The following AMMECR1 variants were observed in gnomAD, a reference collection of about 807,000 sequenced individuals.
The protein encoded by AMMECR1 is AMMECR nuclear protein 1, also known as nuclear protein AMMECR1.
A neutral mutation model predicts 22.5 loss-of-function variants in AMMECR1; 3 were observed. The ratio of observed to expected loss-of-function variants is 0.13; its 90% CI spans 0.06 to 0.35. AMMECR1 has a LOEUF of 0.35. Ranked by LOEUF, AMMECR1 falls within the 10% of genes least tolerant of loss-of-function variation. The pLI is 1.00. For synonymous variants in AMMECR1, 130 were observed against 116.7 expected (o/e 1.11, Z -0.74); for missense variants, 235 against 278.7 (o/e 0.84, Z 1.12).
chrX:110,377,614 C>A (rs2068386160), intron 2 of AMMECR1, among the ~76,000 whole-genome samples: 1 of 111,962 alleles, frequency 8.9e-6, no homozygotes, highest in South Asian at 3.7e-4. Flanking sequence ...ATTTCTTTTG[C>A]TTTTGTTTGA....
chrX:110,327,603 T>C (rs1426209864), intron 2 of AMMECR1, among the ~76,000 whole-genome samples: 2 of 111,255 alleles, frequency 1.8e-5, no homozygotes, highest in South Asian at 3.9e-4. Context: ...ATAGTGTATA[T>C]AGACAACTCT....
intron 2 of AMMECR1, among the ~76,000 whole-genome samples, chrX:110,336,582 G>A (rs967948620): frequency 8.2e-5 from 9 of 110,327 alleles, no homozygotes; most frequent in African/African-American, 2.6e-4. Flanking sequence ...AGGTGTGGTC[G>A]CATGTTTCTG....
chrX:110,364,881 T>A (rs1187706598), intron 2 of AMMECR1, among the ~76,000 whole-genome samples: 1 of 112,494 alleles, frequency 8.9e-6, no homozygotes, highest in East Asian at 2.8e-4. Context: ...AAATATTCCC[T>A]GTAGTGCCAA....
intron 2 of AMMECR1, among the ~76,000 whole-genome samples, chrX:110,385,822 C>T (rs1459238830): frequency 9.0e-6 from 1 of 111,221 alleles, no homozygotes; most frequent in African/African-American, 3.3e-5. Context: ...ACCTCCCTTC[C>T]TCCCCTGTCT....
chrX:110,360,892 G>A (rs1211906999), intron 2 of AMMECR1, among the ~76,000 whole-genome samples: 1 of 111,560 alleles, frequency 9.0e-6, no homozygotes, highest in Non-Finnish European at 1.9e-5. Flanking sequence ...CTGACTTCTG[G>A]AGTTGAAAGG....
intron 1 of AMMECR1, among the ~76,000 whole-genome samples, chrX:110,265,096 GAT>G (rs1367627888): frequency 1.8e-5 from 2 of 111,837 alleles, no homozygotes; most frequent in African/African-American, 6.5e-5. Context: ...AAATATAGGG[GAT>G]ATGTACTGTG....
chrX:110,400,194 A>T (rs1186752391), intron 2 of AMMECR1, among the ~76,000 whole-genome samples: 2 of 106,129 alleles, frequency 1.9e-5, no homozygotes, highest in Non-Finnish European at 3.9e-5. Context: ...GTTTCTGCAA[A>T]ATAGTATTAT....
intron 1 of AMMECR1, among the ~76,000 whole-genome samples, chrX:110,302,633 G>A (rs1399546352): frequency 9.0e-6 from 1 of 111,348 alleles, no homozygotes; most frequent in Non-Finnish European, 1.9e-5. Context: ...AGCACTTTGG[G>A]AGGCCGAAGT....
At position 110,376,304 on chromosome X, in the gene AMMECR1, T is replaced by C. The variant is rs1213250363; in HGVS notation, c.-148+50354A>G. Among the ~76,000 whole-genome samples the C allele has an allele frequency of 1.1e-4, 12 of 110,884 alleles. No individual in the cohort carries two copies. The Admixed American group carries it at 1.2e-3, about 11-fold the overall frequency. On this transcript the variant is annotated intron_variant, in intron 2 of 7. Transcript: ENST00000372057. ...TTGCAGGGCCCAGTGCAAAATGAAA[T>C]GGCCTTATGTCCAGGAAGCTGGTCT...
At chrX:110,294,836 C>T (rs2067926893) in intron 1 of AMMECR1, among the ~76,000 whole-genome samples, 1 of 110,546 alleles carries the variant, frequency 9.0e-6, no homozygotes, top group Admixed American at 9.6e-5. Context: ...TGGCAAAACA[C>T]GCAATTACTT....
rs189118696 is a variant in AMMECR1, at chrX:110,316,196, G to A, written c.473+1403C>T. Among the ~76,000 whole-genome samples, 3 of 111,968 alleles carry A rather than the reference G, an allele frequency of 2.7e-5. No individual in the cohort carries two copies. The East Asian group carries it at 8.3e-4, about 31-fold the overall frequency. On this transcript the variant is annotated intron_variant, in intron 1 of 5. Transcript: ENST00000262844. ...GAATGAAAGCCAAAGAAAACAAACA[G>A]TACAAATGCACAATTTCCAGGACAC...
intron 2 of AMMECR1, among the ~76,000 whole-genome samples, chrX:110,392,228 C>G (rs1201449306): frequency 9.1e-6 from 1 of 110,095 alleles, no homozygotes; most frequent in Non-Finnish European, 1.9e-5. Context: ...GGTCCAGAAC[C>G]CAAAATGTAG....
intron 2 of AMMECR1, among the ~76,000 whole-genome samples, chrX:110,323,783 C>A (rs2068087703): frequency 9.0e-6 from 1 of 111,486 alleles, no homozygotes; most frequent in Non-Finnish European, 1.9e-5. Flanking sequence ...TCTCATTTAC[C>A]TAGTGGTGGA....
chrX:110,430,684 C>A (rs781010608), intron 1 of AMMECR1, among the ~76,000 whole-genome samples: 4 of 112,170 alleles, frequency 3.6e-5, no homozygotes, highest in Non-Finnish European at 7.5e-5. Context: ...GTCAGTTAAC[C>A]CTTGTATATA....
At chrX:110,392,272 G>GTTTT (rs377409601) in intron 2 of AMMECR1, among the ~76,000 whole-genome samples, 5 of 85,075 alleles carry the variant, frequency 5.9e-5, no homozygotes, top group Admixed American at 1.3e-4. Flanking sequence ...TCTACCACAG[G>GTTTT]TTTTTTTTTT....
intron 2 of AMMECR1, among the ~76,000 whole-genome samples, chrX:110,410,497 C>G (rs1304437843): frequency 8.9e-6 from 1 of 111,948 alleles, no homozygotes; most frequent in African/African-American, 3.3e-5. Flanking sequence ...TCTTTGAACA[C>G]TTTGACCGAA....
intron 1 of AMMECR1, among the ~76,000 whole-genome samples, chrX:110,434,213 C>T (rs2068819261): frequency 8.9e-6 from 1 of 111,769 alleles, no homozygotes; most frequent in Non-Finnish European, 1.9e-5. Context: ...CTGGCAGCAG[C>T]AGGAGGGGAG....
At chrX:110,401,159 G>C (rs2068561928) in intron 2 of AMMECR1, among the ~76,000 whole-genome samples, 1 of 112,311 alleles carries the variant, frequency 8.9e-6, no homozygotes, top group African/African-American at 3.2e-5. Flanking sequence ...ATAGCAAGTA[G>C]GCTGCAAAGC....
intron 1 of AMMECR1, among the ~76,000 whole-genome samples, chrX:110,288,819 ACT>A (rs755308279): frequency 1.5e-3 from 166 of 112,201 alleles, no homozygotes; most frequent in Non-Finnish European, 2.6e-3. Flanking sequence ...TTCAATAATG[ACT>A]CTGATTTAAA....
Sources: allele counts gnomAD v4.1 joint callset (sites outside exome capture counted in the v4.1 genomes callset), GRCh38; gene constraint gnomAD v4.1.1; transcripts MANE v1.5; gene names NCBI Gene and HGNC (gene_info 2026-07-23, HGNC 2026-07-21).